The following PIP5K1A variants were observed in gnomAD, a reference collection of about 807,000 sequenced individuals.
The protein encoded by PIP5K1A is phosphatidylinositol 4-phosphate 5-kinase type-1 alpha.
PIP5K1A carries 46 observed loss-of-function variants against 72.9 expected under a neutral mutation model. That is an observed-to-expected ratio of 0.63 (90% CI 0.50 to 0.81). PIP5K1A has a LOEUF of 0.81. Among genes scored for constraint, PIP5K1A ranks in the 30% least tolerant of loss-of-function variants. PIP5K1A has a pLI of 0.00. For synonymous variants in PIP5K1A, 228 were observed against 255.1 expected (o/e 0.89, Z 1.01); for missense variants, 458 against 706.1 (o/e 0.65, Z 3.98).
intron 8 of PIP5K1A, among the ~76,000 whole-genome samples, chr1:151,235,445 T>C (rs961274985): frequency 1.3e-5 from 2 of 152,232 alleles, no homozygotes; most frequent in African/African-American, 4.8e-5. Flanking sequence ...GTTGCACATA[T>C]TAAACTGTAT....
chr1:151,248,108 A>G lies in PIP5K1A; in HGVS notation c.*243A>G. ...GACCGCAGCATCCCCTCCACTCCAG[A>G]GTTGGGTGGTATGGATTTTCAACTG... On this transcript the variant is annotated 3_prime_UTR_variant, in exon 16 of 16. Coordinates refer to ENST00000368888, the MANE Select transcript of PIP5K1A (RefSeq NM_001135638.2). 1 of 510,582 alleles carries G rather than the reference A, an allele frequency of 2.0e-6. No individual in the cohort carries two copies. The highest frequency in any genetic ancestry group is 3.5e-6 in the Non-Finnish European group (1 of 286,460). 31.6% of individuals were successfully genotyped at this position (510,582 alleles called of 1,614,324 possible).
chr1:151,225,415 A>G (rs1688966252), intron 3 of PIP5K1A, among the ~76,000 whole-genome samples: 1 of 150,832 alleles, frequency 6.6e-6, no homozygotes, highest in South Asian at 2.1e-4. Flanking sequence ...TTGCTCTGGC[A>G]TTTTGGCTCT....
chr1:151,222,956 C>G (rs1688592906), intron 1 of PIP5K1A, among the ~76,000 whole-genome samples: 1 of 152,190 alleles, frequency 6.6e-6, no homozygotes, highest in African/African-American at 2.4e-5. Flanking sequence ...TGGCTCATGC[C>G]TGTAATCCCA....
Position 151,207,897 on chromosome 1 carries a change from T to A in PIP5K1A, c.85+8816T>A, listed in dbSNP as rs988144324. ...TTTTTTTTTTGAGACAGAGTTTCGC[T>A]CTTGCTGCCCAGTCTGGAGTGCAGT... On this transcript the variant is annotated intron_variant, in intron 1 of 15. Coordinates refer to ENST00000368888, the MANE Select transcript of PIP5K1A (RefSeq NM_001135638.2). Among the ~76,000 whole-genome samples the A allele has an allele frequency of 3.4e-5, 5 of 148,528 alleles. No individual in the cohort carries two copies. In the East Asian group the frequency reaches 1.0e-3, roughly 30 times the overall value.
chr1:151,205,514 A>G (rs1296755020), intron 1 of PIP5K1A, among the ~76,000 whole-genome samples: 1 of 151,736 alleles, frequency 6.6e-6, no homozygotes, highest in East Asian at 2.0e-4. Flanking sequence ...TGACGTAAAG[A>G]AGGGAACAAG....
upstream of PIP5K1A, among the ~76,000 whole-genome samples, chr1:151,196,326 C>T (rs1684555091): frequency 2.0e-5 from 3 of 152,086 alleles, no homozygotes; most frequent in Admixed American, 1.3e-4. Flanking sequence ...GCTCAGTGTG[C>T]CCCTCACTAG....
Position 151,224,398 on chromosome 1 carries a change from A to T in PIP5K1A, c.148A>T (p.Ile50Phe). Residue 50 changes from isoleucine (I) to phenylalanine (F), a missense_variant, in exon 3 of 16, where the codon ATC becomes TTC. By Grantham distance (21) the Ile-to-Phe change is conservative. Transcript: ENST00000368888. ...CTTGGAAGCTAGACAGGATTCTTAC[A>T]TCTCATTGGTAGGCTAGAAATTATG... ...EVLEARQDSY[I>F]SLVPYASGMP... The T allele has an allele frequency of 5.6e-6, 9 of 1,598,414 alleles. No individual in the cohort carries two copies. Among genetic ancestry groups the T allele is most frequent in the Non-Finnish European group, 7.7e-6 (9 of 1,166,194 alleles).
intron 1 of PIP5K1A, among the ~76,000 whole-genome samples, chr1:151,218,611 G>A (rs891678308): frequency 6.6e-6 from 1 of 151,616 alleles, no homozygotes; most frequent in Non-Finnish European, 1.5e-5. Flanking sequence ...CCAAGGCAGT[G>A]GATCACAAGA....
At chr1:151,215,332 C>G (rs1253776774) in intron 1 of PIP5K1A, among the ~76,000 whole-genome samples, 1 of 146,548 alleles carries the variant, frequency 6.8e-6, no homozygotes, top group Non-Finnish European at 1.5e-5. Context: ...GCCACCGCAC[C>G]CGGCCTTTTT....
chr1:151,218,337 C>G (rs1687925772), intron 1 of PIP5K1A, among the ~76,000 whole-genome samples: 1 of 152,056 alleles, frequency 6.6e-6, no homozygotes, highest in Admixed American at 6.6e-5. Flanking sequence ...TTGAGAGGAC[C>G]TGAAGGAGGA....
chr1:151,244,936 CT>C lies in PIP5K1A; in HGVS notation c.1641-1967del, dbSNP rs971449862. Among the ~76,000 whole-genome samples, 896 of 131,056 alleles carry C rather than the reference CT, an allele frequency of 6.8e-3. 3 individuals are homozygous for C. The highest frequency in any genetic ancestry group is 8.8e-3 in the Non-Finnish European group (530 of 60,454). The allele number at this position is 131,056 out of a possible 152,430, so 86.0% of individuals were successfully genotyped here. A position where few individuals can be genotyped will look rare whatever the true frequency, so the allele number is the denominator to read the frequency against. On this transcript the variant is annotated intron_variant, in intron 14 of 15. Coordinates refer to ENST00000368888, the MANE Select transcript of PIP5K1A (RefSeq NM_001135638.2). ...CTGGAGCTTATCCTTGCTCAAAAGC[CT>C]TTTTTTTTTTTTTTTTGGTAGAGAT...
chr1:151,230,830 G>A (rs376857601), intron 4 of PIP5K1A, among the ~76,000 whole-genome samples: 4 of 152,264 alleles, frequency 2.6e-5, no homozygotes, highest in Admixed American at 6.5e-5. Context: ...GTGAGCCTCC[G>A]CCCGCGCCCA....
chr1:151,216,913 T>A (rs1401240080), intron 1 of PIP5K1A, among the ~76,000 whole-genome samples: 2 of 15,866 alleles, frequency 1.3e-4, no homozygotes, highest in African/African-American at 4.2e-4. Context: ...TTTTTTTTTT[T>A]TTTTTTTTTT....
At chr1:151,218,049 G>A (rs1558257082) in intron 1 of PIP5K1A, among the ~76,000 whole-genome samples, 1 of 152,236 alleles carries the variant, frequency 6.6e-6, no homozygotes, top group African/African-American at 2.4e-5. Context: ...CCAAGTGGTG[G>A]GATTGCAGGC....
At position 151,242,153 on chromosome 1, in the gene PIP5K1A, C is replaced by A; in HGVS notation, c.1394C>A (p.Ser465Tyr). ...CCTTCTCCTTCCAAAAAGTTTCGGT[C>A]TGGCTCATCTTTCTCTCGGCGAGCA... ...LKPSPSKKFR[S>Y]GSSFSRRAGS... The change falls in exon 13 of 16, where the codon TCT (serine) becomes TAT (tyrosine). Residue 465 changes from serine (S) to tyrosine (Y), a missense_variant. Transcript: ENST00000368888. 6.2e-7 allele frequency: 1 copy of A among 1,614,140 alleles called. No individual in the cohort carries two copies.
chr1:151,243,000 CAA>C (rs1480731353), intron 14 of PIP5K1A, among the ~76,000 whole-genome samples: 1 of 152,222 alleles, frequency 6.6e-6, no homozygotes, highest in African/African-American at 2.4e-5. Flanking sequence ...GACAAGTGAA[CAA>C]GAGAGCATGT....
Position 151,234,510 on chromosome 1 carries a change from T to G in PIP5K1A, c.939+14T>G. The stretch of plus-strand genomic sequence containing the variant: ...CGTGACTGTTTGGTGAGTTTGTTAC[T>G]TAGACATCAAAAATCTCAGTTACTA... On this transcript the variant is annotated intron_variant, in intron 8 of 15. Coordinates refer to ENST00000368888, the MANE Select transcript of PIP5K1A (RefSeq NM_001135638.2). The G allele has an allele frequency of 6.2e-7, 1 of 1,609,018 alleles. No homozygotes were observed. The highest frequency in any genetic ancestry group is 8.5e-7 in the Non-Finnish European group (1 of 1,175,426).
At position 151,236,743 on chromosome 1, in the gene PIP5K1A, T is replaced by C. The variant is rs1347010093; in HGVS notation, c.1125T>C (p.Gly375=). ...TCCAGGGAGAGGCTCGACGGGGTGG[T>C]ACCATGGAGACTGATGACCAGTAAG... The part of the protein sequence containing the change: ...ESIQGEARRG[G]TMETDDHMGG... The change falls in exon 9 of 16, where the codon GGT becomes GGC. Residue 375 remains glycine (G), a synonymous_variant. Transcript: ENST00000368888. 1 of 1,611,864 alleles carries C rather than the reference T, an allele frequency of 6.2e-7. No individual in the cohort carries two copies. The highest frequency in any genetic ancestry group is 8.5e-7 in the Non-Finnish European group (1 of 1,179,488).
intron 15 of PIP5K1A, 119 bp from the exon 16 acceptor site, chr1:151,247,744 A>G: frequency 1.2e-6 from 1 of 834,478 alleles, no homozygotes; most frequent in Non-Finnish European, 1.9e-6. Flanking sequence ...TTTTTAAAAA[A>G]TATTTTTGGT....
Sources: allele counts gnomAD v4.1 joint callset (sites outside exome capture counted in the v4.1 genomes callset), GRCh38; gene constraint gnomAD v4.1.1; transcripts MANE v1.5; gene names NCBI Gene and HGNC (gene_info 2026-07-23, HGNC 2026-07-21).